TBC1D22A: variants seen among roughly 807,000 people sequenced by gnomAD.
The protein encoded by TBC1D22A is putative GTPase activator.
A neutral mutation model predicts 60.2 loss-of-function variants in TBC1D22A; 38 were observed. The ratio of observed to expected loss-of-function variants is 0.63; its 90% CI spans 0.49 to 0.83. The LOEUF (loss-of-function observed/expected upper bound fraction) is 0.83. TBC1D22A is among the 40% of genes least tolerant of loss of function. The pLI is 0.00. For synonymous variants in TBC1D22A, 302 were observed against 281.7 expected, an observed-to-expected ratio of 1.07 and a Z score of -0.72; for missense variants, 628 against 701.0, an observed-to-expected ratio of 0.90 and a Z score of 1.18.
intron 4 of TBC1D22A, among the ~76,000 whole-genome samples, chr22:46,839,406 C>G (rs971596500): frequency 6.7e-6 from 1 of 150,326 alleles, no homozygotes; most frequent in African/African-American, 2.5e-5. Flanking sequence ...GTGAAGGATT[C>G]TTACACTGAA....
intron 4 of TBC1D22A, among the ~76,000 whole-genome samples, chr22:46,872,914 T>TG (rs2067359538): frequency 6.6e-6 from 1 of 152,166 alleles, no homozygotes; most frequent in African/African-American, 2.4e-5. Context: ...AATCGAGTGT[T>TG]GGAGAGACAG....
At position 47,127,578 on chromosome 22, in the gene TBC1D22A, T is replaced by C. The variant is rs558488520; in HGVS notation, c.1425+15975T>C. Among the ~76,000 whole-genome samples the C allele has an allele frequency of 4.6e-3, 705 of 151,772 alleles. 3 individuals are homozygous for C. Among genetic ancestry groups the C allele is most frequent in the African/African-American group, 0.016 (661 of 41,342 alleles). On this transcript the variant is annotated intron_variant, in intron 12 of 12. Coordinates refer to ENST00000337137, the MANE Select transcript of TBC1D22A (RefSeq NM_014346.5). ...TAGGCTTTCATTATTGCAGCGAGAG[T>C]CTTCATTTGAGGGGCTCTTGCCTGC... is the stretch of plus-strand genomic sequence containing the variant.
intron 10 of TBC1D22A, among the ~76,000 whole-genome samples, chr22:47,004,415 C>G (rs562925371): frequency 1.3e-5 from 2 of 150,814 alleles, no homozygotes; most frequent in Admixed American, 6.6e-5. Context: ...ACACACATGC[C>G]TGTATACACA....
At chr22:46,983,202 A>G (rs769870136) in intron 9 of TBC1D22A, among the ~76,000 whole-genome samples, 2 of 152,178 alleles carry the variant, frequency 1.3e-5, no homozygotes, top group Non-Finnish European at 2.9e-5. Flanking sequence ...AGGTTTCCAC[A>G]GTGCAGGAGG....
At chr22:47,072,330 C>T (rs1168469115) in intron 11 of TBC1D22A, among the ~76,000 whole-genome samples, 1 of 152,226 alleles carries the variant, frequency 6.6e-6, no homozygotes, top group Non-Finnish European at 1.5e-5. Context: ...CACTCTGCCT[C>T]ATTCACCATC....
At chr22:46,795,847 A>G (rs1251626322) in intron 3 of TBC1D22A, among the ~76,000 whole-genome samples, 2 of 152,152 alleles carry the variant, frequency 1.3e-5, no homozygotes, top group Admixed American at 6.5e-5. Context: ...CCAGCTGAGC[A>G]CCTTTAATTC....
At chr22:47,006,785 G>C (rs1202022833) in intron 10 of TBC1D22A, among the ~76,000 whole-genome samples, 1 of 152,200 alleles carries the variant, frequency 6.6e-6, no homozygotes, top group Non-Finnish European at 1.5e-5. Context: ...GTTCCTGACT[G>C]TTCCTTTGTC....
intron 11 of TBC1D22A, among the ~76,000 whole-genome samples, chr22:47,061,583 C>T (rs895721395): frequency 1.8e-4 from 27 of 152,190 alleles, no homozygotes; most frequent in African/African-American, 5.8e-4. Flanking sequence ...ATATTTGCAG[C>T]GTTTTGTTTT....
chr22:47,075,096 G>A (rs561825499), intron 11 of TBC1D22A, among the ~76,000 whole-genome samples: 9 of 152,190 alleles, frequency 5.9e-5, no homozygotes, highest in South Asian at 4.2e-4. Context: ...GTTGGCGGGC[G>A]CCTGTAGTCC....
intron 11 of TBC1D22A, among the ~76,000 whole-genome samples, chr22:47,108,809 C>T (rs552955767): frequency 6.6e-6 from 1 of 152,302 alleles, no homozygotes; most frequent in East Asian, 1.9e-4. Context: ...CATTCTCCTG[C>T]CTCAGCCTGC....
chr22:47,034,432 G>A (rs1004456193), intron 10 of TBC1D22A, among the ~76,000 whole-genome samples: 5 of 152,308 alleles, frequency 3.3e-5, no homozygotes, highest in Admixed American at 1.3e-4. Context: ...ACTGAGAGTC[G>A]AGATGAGAAT....
chr22:47,074,375 A>T (rs976213554), intron 11 of TBC1D22A, among the ~76,000 whole-genome samples: 3 of 152,236 alleles, frequency 2.0e-5, no homozygotes, highest in Admixed American at 1.3e-4. Flanking sequence ...GCTCGGTATC[A>T]ATGATTTCCA....
At chr22:47,040,878 G>A (rs1184364682) in intron 11 of TBC1D22A, among the ~76,000 whole-genome samples, 1 of 152,154 alleles carries the variant, frequency 6.6e-6, no homozygotes, top group East Asian at 1.9e-4. Flanking sequence ...CCGGCCTCCT[G>A]GGCCTGGGAG....
chr22:46,796,135 C>A (rs554310998), intron 3 of TBC1D22A, among the ~76,000 whole-genome samples: 1 of 152,212 alleles, frequency 6.6e-6, no homozygotes, highest in East Asian at 1.9e-4. Flanking sequence ...GGGAGGAGAT[C>A]CTCCTGGGGG....
At chr22:47,054,547 T>G (rs2063325425) in intron 11 of TBC1D22A, among the ~76,000 whole-genome samples, 1 of 152,224 alleles carries the variant, frequency 6.6e-6, no homozygotes, top group South Asian at 2.1e-4. Flanking sequence ...GTCCATCTGC[T>G]GGTGCGGCCA....
At chr22:46,989,409 G>C (rs2074849629) in intron 9 of TBC1D22A, among the ~76,000 whole-genome samples, 1 of 151,928 alleles carries the variant, frequency 6.6e-6, no homozygotes, top group South Asian at 2.1e-4. Context: ...TCCTCACCAA[G>C]CGTAATCTTT....
At chr22:46,910,988 C>A (rs1247834778) in intron 7 of TBC1D22A, among the ~76,000 whole-genome samples, 1 of 151,960 alleles carries the variant, frequency 6.6e-6, no homozygotes, top group African/African-American at 2.4e-5. Flanking sequence ...GGGGCAGGGA[C>A]CAGACTGAGG....
At chr22:46,973,811 G>A (rs753523050) in intron 8 of TBC1D22A, among the ~76,000 whole-genome samples, 2 of 152,118 alleles carry the variant, frequency 1.3e-5, no homozygotes, top group Non-Finnish European at 2.9e-5. Flanking sequence ...TCTGTGGTAC[G>A]GCTTTCTGGG....
chr22:46,852,759 A>G (rs2087348957), intron 4 of TBC1D22A, among the ~76,000 whole-genome samples: 1 of 152,100 alleles, frequency 6.6e-6, no homozygotes, highest in Non-Finnish European at 1.5e-5. Context: ...AGCTCCGTCC[A>G]TCTCGCCTTG....
Sources: allele counts gnomAD v4.1 joint callset (sites outside exome capture counted in the v4.1 genomes callset), GRCh38; gene constraint gnomAD v4.1.1; transcripts MANE v1.5; gene names NCBI Gene and HGNC (gene_info 2026-07-23, HGNC 2026-07-21).